FAF1: variants seen among roughly 807,000 people sequenced by gnomAD.
FAF1 encodes the protein Fas associated factor 1, also known as FAS-associated factor 1.
Under a neutral mutation model 92.5 loss-of-function variants are expected in FAF1, and 25 were observed. The ratio of observed to expected loss-of-function variants is 0.27; its 90% CI spans 0.20 to 0.38. FAF1 has a LOEUF of 0.38. FAF1 is among the 10% of genes least tolerant of loss of function. FAF1 has a pLI of 1.00. For missense variants in FAF1, 636 were observed against 793.3 expected (o/e 0.80, Z 2.38); for synonymous variants, 234 against 273.2 (o/e 0.86, Z 1.42).
At chr1:50,524,796 T>C (rs1557981011) in intron 15 of FAF1, among the ~76,000 whole-genome samples, 1 of 152,206 alleles carries the variant, frequency 6.6e-6, no homozygotes, top group Non-Finnish European at 1.5e-5. Flanking sequence ...AACCCTGTAG[T>C]ATAGTTTGAA....
chr1:50,687,049 G>A (rs939564593), intron 7 of FAF1, among the ~76,000 whole-genome samples: 2 of 152,022 alleles, frequency 1.3e-5, no homozygotes. Context: ...GGCTGGACTC[G>A]AACTCCTGAC....
chr1:50,445,275 T>A (rs1294162110), intron 18 of FAF1, among the ~76,000 whole-genome samples: 2 of 152,158 alleles, frequency 1.3e-5, no homozygotes, highest in Non-Finnish European at 2.9e-5. Flanking sequence ...TTATATCATT[T>A]TTATGCCTTT....
intron 1 of FAF1, among the ~76,000 whole-genome samples, chr1:50,949,483 G>A (rs192403702): frequency 5.9e-5 from 9 of 152,296 alleles, no homozygotes; most frequent in Admixed American, 5.2e-4. Context: ...AATGTCCCCT[G>A]GGGGACAGAA....
chr1:50,726,082 G>T (rs1428800043), intron 6 of FAF1, among the ~76,000 whole-genome samples: 1 of 151,912 alleles, frequency 6.6e-6, no homozygotes, highest in African/African-American at 2.4e-5. Flanking sequence ...GTGAAACCCT[G>T]TCTCTACTAA....
intron 7 of FAF1, among the ~76,000 whole-genome samples, chr1:50,660,533 G>A (rs1655326992): frequency 6.7e-6 from 1 of 149,714 alleles, no homozygotes. Flanking sequence ...GTCTTGCTCT[G>A]TCGCCCAGGC....
At chr1:50,466,859 T>G (rs1206755431) in intron 18 of FAF1, among the ~76,000 whole-genome samples, 7 of 152,150 alleles carry the variant, frequency 4.6e-5, no homozygotes, top group Non-Finnish European at 8.8e-5. Flanking sequence ...AGACATGGCT[T>G]TGTGCTTTTC....
At chr1:50,626,773 T>C (rs1653517526) in intron 8 of FAF1, among the ~76,000 whole-genome samples, 1 of 152,110 alleles carries the variant, frequency 6.6e-6, no homozygotes, top group African/African-American at 2.4e-5. Flanking sequence ...AGAGTAAATA[T>C]AGAAGCCCAA....
chr1:50,732,268 G>A (rs940665799), intron 6 of FAF1, among the ~76,000 whole-genome samples: 3 of 151,836 alleles, frequency 2.0e-5, no homozygotes, highest in African/African-American at 7.3e-5. Context: ...GTAGAGACGG[G>A]GTTTCACCAT....
intron 6 of FAF1, among the ~76,000 whole-genome samples, chr1:50,729,113 T>C (rs1274728665): frequency 6.8e-6 from 1 of 146,308 alleles, no homozygotes; most frequent in Non-Finnish European, 1.5e-5. Context: ...TGAAGTGCAA[T>C]GGCACAATCT....
At chr1:50,614,857 A>G (rs1171858683) in intron 8 of FAF1, among the ~76,000 whole-genome samples, 4 of 152,058 alleles carry the variant, frequency 2.6e-5, no homozygotes, top group Non-Finnish European at 4.4e-5. Flanking sequence ...AAAAAAAAAA[A>G]AAGTTTCCCA....
At chr1:50,442,413 A>G (rs987441846) in intron 18 of FAF1, among the ~76,000 whole-genome samples, 1 of 152,258 alleles carries the variant, frequency 6.6e-6, no homozygotes, top group Non-Finnish European at 1.5e-5. Flanking sequence ...GTTAGTATCA[A>G]TCTTGCAGGA....
chr1:50,552,483 A>C (rs1449958826), intron 13 of FAF1, among the ~76,000 whole-genome samples: 1 of 152,158 alleles, frequency 6.6e-6, no homozygotes, highest in Admixed American at 6.5e-5. Context: ...TTAGCATTTT[A>C]ATAGGAAACA....
chr1:50,667,087 T>G (rs1569718313), intron 7 of FAF1, among the ~76,000 whole-genome samples: 1 of 152,304 alleles, frequency 6.6e-6, no homozygotes, highest in Non-Finnish European at 1.5e-5. Flanking sequence ...TTTCAACAAT[T>G]GAATGCTTCA....
chr1:50,619,202 T>C (rs1653076093), intron 8 of FAF1, among the ~76,000 whole-genome samples: 2 of 152,228 alleles, frequency 1.3e-5, no homozygotes, highest in African/African-American at 4.8e-5. Context: ...TGTCATTCTG[T>C]GTCTTTTAAG....
chr1:50,821,940 T>C (rs1463981977), intron 2 of FAF1, among the ~76,000 whole-genome samples: 1 of 152,006 alleles, frequency 6.6e-6, no homozygotes, highest in African/African-American at 2.4e-5. Context: ...GTCACCGAAA[T>C]GCTCTATTGA....
At chr1:50,804,736 T>C (rs1285024703) in intron 2 of FAF1, among the ~76,000 whole-genome samples, 1 of 152,078 alleles carries the variant, frequency 6.6e-6, no homozygotes, top group Non-Finnish European at 1.5e-5. Flanking sequence ...TTTCCCTCCA[T>C]AAGAATATTG....
intron 1 of FAF1, among the ~76,000 whole-genome samples, chr1:50,901,200 T>TTCC (rs1467436940): frequency 2.0e-5 from 3 of 152,146 alleles, no homozygotes; most frequent in African/African-American, 7.2e-5. Flanking sequence ...ATGGTTAGGA[T>TTCC]TCCACCTGCA....
intron 4 of FAF1, among the ~76,000 whole-genome samples, chr1:50,766,114 C>G (rs1459190856): frequency 6.6e-6 from 1 of 151,912 alleles, no homozygotes; most frequent in African/African-American, 2.4e-5. Context: ...TAAAATGAGA[C>G]CTAGCCCATC....
chr1:50,451,565 T>C (rs1646293986), intron 18 of FAF1, among the ~76,000 whole-genome samples: 1 of 152,230 alleles, frequency 6.6e-6, no homozygotes, highest in Non-Finnish European at 1.5e-5. Flanking sequence ...ATTGTAGTCA[T>C]GTACTAGACT....
Sources: gnomAD v4.1 joint callset for allele counts (sites outside exome capture counted in the v4.1 genomes callset) on GRCh38, gnomAD v4.1.1 for gene constraint, MANE v1.5 for transcripts, NCBI Gene and HGNC (gene_info 2026-07-23, HGNC 2026-07-21) for gene names.